The following ZMYM2 variants were observed in gnomAD, a reference collection of about 807,000 sequenced individuals.
ZMYM2 encodes the protein zinc finger MYM-type protein 2.
A neutral mutation model predicts 162.8 loss-of-function variants in ZMYM2; 56 were observed. That is an observed-to-expected ratio of 0.34 (90% CI 0.28 to 0.43). The LOEUF (loss-of-function observed/expected upper bound fraction) is 0.43. Among genes scored for constraint, ZMYM2 ranks in the 20% least tolerant of loss-of-function variants. The pLI, the probability that ZMYM2 is intolerant of heterozygous loss-of-function variation, is 1.00. For missense variants in ZMYM2, 1,275 were observed against 1,621.8 expected (o/e 0.79, Z 3.67); for synonymous variants, 510 against 541.6 (o/e 0.94, Z 0.81).
chr13:20,078,123 T>C (rs1957644423), intron 21 of ZMYM2, among the ~76,000 whole-genome samples: 1 of 152,060 alleles, frequency 6.6e-6, no homozygotes, highest in African/African-American at 2.4e-5. Context: ...CTGGCCAGTT[T>C]TAAGTATTTT....
At chr13:19,907,522 G>A in the ZMYM2 span, among the ~76,000 whole-genome samples, 15 of 152,170 alleles carry the variant, frequency 9.9e-5, no homozygotes, top group African/African-American at 3.6e-4. Flanking sequence ...CACTTTGGGA[G>A]GCCAAGATAG....
intron 7 of ZMYM2, chr13:20,026,168 C>T (rs1387202721): frequency 6.6e-6 from 1 of 152,396 alleles, no homozygotes; most frequent in East Asian, 1.9e-4. Context: ...ACAATAGCAG[C>T]TCAGTGGGAA....
chr13:20,027,591 T>C lies in ZMYM2; in HGVS notation c.1851+273T>C, dbSNP rs186652281. 2.2e-3 allele frequency among the ~76,000 whole-genome samples: 331 copies of C among 152,238 alleles called. 11 individuals carry two copies. The South Asian group carries it at 0.056, about 26-fold the overall frequency. ...TCAGTGCTGATGTGTAGTTTTTTCT[T>C]ATTAGATAGTTTGAATAAAATGTGA... On this transcript the variant is annotated intron_variant, in intron 9 of 24. Coordinates refer to ENST00000610343, the MANE Select transcript of ZMYM2 (RefSeq NM_197968.4).
At chr13:19,890,652 C>G in the ZMYM2 span, among the ~76,000 whole-genome samples, 1 of 151,292 alleles carries the variant, frequency 6.6e-6, no homozygotes, top group Non-Finnish European at 1.5e-5. Context: ...GGGCAGATCA[C>G]GAGGTCAGGA....
At chr13:20,062,791 G>T (rs1956326600) in intron 17 of ZMYM2, 55 bp from the exon 18 acceptor site, 1 of 1,460,780 alleles carries the variant, frequency 6.8e-7, no homozygotes, top group South Asian at 1.4e-5. Context: ...ATTAAATACA[G>T]ATACCATTGG....
chr13:20,019,497 G>A (rs1216592832), intron 6 of ZMYM2, 50 bp from the exon 7 acceptor site: 2 of 1,432,374 alleles, frequency 1.4e-6, no homozygotes, highest in Non-Finnish European at 1.9e-6. Flanking sequence ...TTTCAATGTA[G>A]CAGCTATTCT....
chr13:19,963,580 T>A (rs1281956133), intron 2 of ZMYM2, among the ~76,000 whole-genome samples: 3 of 152,152 alleles, frequency 2.0e-5, no homozygotes, highest in African/African-American at 7.2e-5. Flanking sequence ...AACAAATCAC[T>A]TCGTAGTCTT....
intron 12 of ZMYM2, 135 bp downstream of exon 12, chr13:20,037,044 A>AT: frequency 4.1e-6 from 3 of 723,090 alleles, no homozygotes; most frequent in Non-Finnish European, 6.0e-6. Flanking sequence ...AATACTATTC[A>AT]TTAAAATTGT....
At chr13:19,954,215 G>A (rs892889973), upstream of ZMYM2, among the ~76,000 whole-genome samples, 1 of 141,006 alleles carries the variant, frequency 7.1e-6, no homozygotes, top group Non-Finnish European at 1.5e-5. Context: ...TGCAAGCTCC[G>A]CCTTCCGGGT....
intron 2 of ZMYM2, among the ~76,000 whole-genome samples, chr13:19,962,000 T>A (rs1955269672): frequency 6.6e-6 from 1 of 152,182 alleles, no homozygotes; most frequent in Admixed American, 6.5e-5. Context: ...TAATATCTGT[T>A]CCCTCCCACC....
chr13:20,075,798 C>T (rs1566464033), intron 21 of ZMYM2, among the ~76,000 whole-genome samples: 2 of 150,936 alleles, frequency 1.3e-5, no homozygotes, highest in Admixed American at 6.6e-5. Context: ...TCTTCTGCCT[C>T]AGCCTCCTCC....
Position 19,993,418 on chromosome 13 carries a change from A to C in ZMYM2, c.346A>C (p.Thr116Pro). ...LASQKGSVSE[T>P]IVIDDEEDME... ...ATCTCAGAAGGGAAGTGTAAGTGAG[A>C]CAATTGTCATTGATGATGAAGAGGA... The change falls in exon 3 of 25, where the codon ACA (threonine) becomes CCA (proline). Residue 116 changes from threonine (T) to proline (P), a missense_variant. Transcript: ENST00000610343. The C allele has an allele frequency of 6.2e-7, 1 of 1,613,870 alleles. No homozygotes were observed. The highest frequency in any genetic ancestry group is 1.1e-5 in the South Asian group (1 of 91,056).
At chr13:19,871,083 A>T in the ZMYM2 span, among the ~76,000 whole-genome samples, 1 of 151,956 alleles carries the variant, frequency 6.6e-6, no homozygotes, top group African/African-American at 2.4e-5. Context: ...GAGAAAAAAA[A>T]TAAGCAAAAC....
At chr13:20,084,588 A>AT (rs1958129586) in intron 24 of ZMYM2, among the ~76,000 whole-genome samples, 1 of 152,230 alleles carries the variant, frequency 6.6e-6, no homozygotes, top group African/African-American at 2.4e-5. Flanking sequence ...ATAGGTGGAA[A>AT]TGTAAGTGAA....
At chr13:20,076,961 G>A (rs1957550065) in intron 21 of ZMYM2, among the ~76,000 whole-genome samples, 2 of 150,182 alleles carry the variant, frequency 1.3e-5, no homozygotes, top group Admixed American at 6.6e-5. Context: ...TCAGCCTCCC[G>A]AGTACCTGGG....
At chr13:20,039,500 GTCTC>G (rs1186571409) in intron 12 of ZMYM2, among the ~76,000 whole-genome samples, 2 of 132,668 alleles carry the variant, frequency 1.5e-5, no homozygotes, top group Non-Finnish European at 3.1e-5. Flanking sequence ...TTGACATGGT[GTCTC>G]TCTCTGTTGC....
At chr13:20,063,085 C>G in intron 18 of ZMYM2, 114 bp downstream of exon 18, 1 of 1,260,420 alleles carries the variant, frequency 7.9e-7, no homozygotes, top group Non-Finnish European at 1.0e-6. Context: ...ATTTTTTATT[C>G]TTGTTATTTT....
chr13:20,052,521 T>C (rs1295511860), intron 14 of ZMYM2, among the ~76,000 whole-genome samples: 5 of 152,124 alleles, frequency 3.3e-5, no homozygotes, highest in Non-Finnish European at 5.9e-5. Context: ...TAGCCTCTAC[T>C]CACAATGGGG....
the ZMYM2 span, among the ~76,000 whole-genome samples, chr13:19,914,798 C>T: frequency 6.6e-6 from 1 of 152,122 alleles, no homozygotes. Flanking sequence ...TGTTCTCTAC[C>T]ATCCTGAAGC....
Sources: gnomAD v4.1 joint callset for allele counts (sites outside exome capture counted in the v4.1 genomes callset) on GRCh38, gnomAD v4.1.1 for gene constraint, MANE v1.5 for transcripts, NCBI Gene and HGNC (gene_info 2026-07-23, HGNC 2026-07-21) for gene names.